The following DIP2C variants were observed in gnomAD, a reference collection of about 807,000 sequenced individuals.
DIP2C encodes the protein DIP2 acetate--CoA ligase C (putative).
Under a neutral mutation model 192.4 loss-of-function variants are expected in DIP2C, and 33 were observed. The ratio of observed to expected loss-of-function variants is 0.17; its 90% CI spans 0.13 to 0.23. The LOEUF is 0.23. DIP2C is among the 10% of genes least tolerant of loss of function. DIP2C has a pLI of 1.00. For missense variants in DIP2C, 1,537 were observed against 2,110.1 expected, an observed-to-expected ratio of 0.73 and a Z score of 5.32; for synonymous variants, 979 against 864.1, an observed-to-expected ratio of 1.13 and a Z score of -2.33.
intron 1 of DIP2C, among the ~76,000 whole-genome samples, chr10:545,035 G>T (rs1231629166): frequency 6.6e-6 from 1 of 151,988 alleles, no homozygotes; most frequent in Non-Finnish European, 1.5e-5. Context: ...GCTGAACTGT[G>T]TCCCCGCAAG....
intron 5 of DIP2C, among the ~76,000 whole-genome samples, chr10:422,371 A>C (rs1162993429): frequency 6.6e-6 from 1 of 152,068 alleles, no homozygotes; most frequent in African/African-American, 2.4e-5. Flanking sequence ...CATACAGAGT[A>C]TCTCCCTGTC....
chr10:340,965 G>C, intron 29 of DIP2C: 1 of 644,420 alleles, frequency 1.6e-6, no homozygotes. Flanking sequence ...GTCCGCAACA[G>C]ACGGCTCTCC....
intron 1 of DIP2C, among the ~76,000 whole-genome samples, chr10:634,866 G>A (rs1854742316): frequency 6.6e-6 from 1 of 152,158 alleles, no homozygotes; most frequent in Non-Finnish European, 1.5e-5. Context: ...ACAACGTAAA[G>A]CCAATTAGAT....
chr10:570,115 T>C (rs987611132), intron 1 of DIP2C, among the ~76,000 whole-genome samples: 4 of 152,160 alleles, frequency 2.6e-5, no homozygotes, highest in South Asian at 2.1e-4. Flanking sequence ...GAGATAGTCA[T>C]AGCACTGCAC....
At position 349,431 on chromosome 10, in the gene DIP2C, G is replaced by C; in HGVS notation, c.3009C>G (p.Thr1003=). The change falls in exon 25 of 37, where the codon ACC becomes ACG. Residue 1003 remains threonine, a synonymous_variant. Transcript: ENST00000280886. Reference sequence around the variant, plus strand: ...CAGCTCTCTTGTGCAGCTGCACGCAGGTCAGCGAGTTCGCTATCGCACCCT... The same window carrying C: ...CAGCTCTCTTGTGCAGCTGCACGCACGTCAGCGAGTTCGCTATCGCACCCT... ...NCRGAIANSL[T]CVQLHKRAEK... is the part of the protein sequence containing the mutation. 1 of 1,609,102 alleles carries C rather than the reference G, an allele frequency of 6.2e-7. No homozygotes were observed.
intron 5 of DIP2C, among the ~76,000 whole-genome samples, chr10:420,548 G>GA (rs1266866447): frequency 2.6e-5 from 4 of 152,194 alleles, no homozygotes; most frequent in African/African-American, 9.7e-5. Flanking sequence ...TAGCGTCTGG[G>GA]AGGCCTCCTC....
At chr10:594,806 C>T (rs1420823071) in intron 1 of DIP2C, among the ~76,000 whole-genome samples, 5 of 152,172 alleles carry the variant, frequency 3.3e-5, no homozygotes, top group Admixed American at 3.3e-4. Context: ...CTCGACTCTC[C>T]GGGTTCAGAT....
intron 14 of DIP2C, among the ~76,000 whole-genome samples, chr10:386,653 T>C (rs562190587): frequency 6.6e-6 from 1 of 152,322 alleles, no homozygotes; most frequent in African/African-American, 2.4e-5. Flanking sequence ...ATATTTGGTC[T>C]AGGAAATGCT....
chr10:360,248 T>TA (rs1959290046), intron 22 of DIP2C, among the ~76,000 whole-genome samples: 1 of 152,196 alleles, frequency 6.6e-6, no homozygotes, highest in South Asian at 2.1e-4. Context: ...AGAGGCCTTC[T>TA]AGCTGCACCT....
In DIP2C at chr10:486,537, G is replaced by A; in HGVS notation, c.86-7C>T. On this transcript the variant is annotated splice_region_variant and splice_polypyrimidine_tract_variant and intron_variant, in intron 1 of 36. Coordinates refer to ENST00000280886, the MANE Select transcript of DIP2C (RefSeq NM_014974.3). ...CCTTTTTGTGTGATGTCACCTGCAA[G>A]AGAAGGAAAATGAAGTTCAGTATGG... The A allele has an allele frequency of 1.2e-6, 2 of 1,603,372 alleles. No individual in the cohort carries two copies. Among genetic ancestry groups the A allele is most frequent in the Non-Finnish European group, 8.5e-7 (1 of 1,175,426 alleles).
At chr10:380,445 G>A (rs1441864496) in intron 17 of DIP2C, among the ~76,000 whole-genome samples, 15 of 152,098 alleles carry the variant, frequency 9.9e-5, no homozygotes, top group Non-Finnish European at 4.4e-5. Context: ...AGAAGAGGCT[G>A]TCCCTGGATG....
At chr10:397,654 C>A (rs1471810351) in intron 10 of DIP2C, among the ~76,000 whole-genome samples, 1 of 152,366 alleles carries the variant, frequency 6.6e-6, no homozygotes, top group Non-Finnish European at 1.5e-5. Context: ...CACGACTGGC[C>A]GCCTACAGGG....
intron 3 of DIP2C, among the ~76,000 whole-genome samples, chr10:469,755 A>C (rs1213350522): frequency 6.6e-6 from 1 of 152,118 alleles, no homozygotes; most frequent in Non-Finnish European, 1.5e-5. Context: ...TTCACCTAAA[A>C]TATTCTAGTG....
chr10:549,418 C>G (rs192999975), intron 1 of DIP2C, among the ~76,000 whole-genome samples: 8 of 152,230 alleles, frequency 5.3e-5, no homozygotes, highest in African/African-American at 1.9e-4. Context: ...CACACGGACT[C>G]GGGCCCATCC....
intron 32 of DIP2C, among the ~76,000 whole-genome samples, chr10:295,893 T>C (rs1326043492): frequency 6.6e-6 from 1 of 152,234 alleles, no homozygotes; most frequent in Non-Finnish European, 1.5e-5. Flanking sequence ...TTTTTTCATG[T>C]GTTTTTTGGC....
At position 288,411 on chromosome 10, in the gene DIP2C, C is replaced by T; in HGVS notation, c.3997G>A (p.Val1333Met). The T allele has an allele frequency of 6.2e-7, 1 of 1,614,088 alleles. No homozygotes were observed. The highest frequency in any genetic ancestry group is 8.5e-7 in the Non-Finnish European group (1 of 1,179,974). Residue 1333 changes from valine (V) to methionine (M), a missense_variant, in exon 33 of 37, where the codon GTG becomes ATG. Transcript: ENST00000280886. ...RALRHDRVRL[V>M]ERGSPHSLPL... is the part of the protein sequence containing the mutation. Reference sequence around the variant, plus strand: ...AGACTATGAGGGGATCCTCTTTCCACTAAGCGGACTCTGCAAACAGAAAGA... The same window carrying T: ...AGACTATGAGGGGATCCTCTTTCCATTAAGCGGACTCTGCAAACAGAAAGA...
At chr10:672,982 G>C (rs1042062024) in intron 1 of DIP2C, among the ~76,000 whole-genome samples, 1 of 152,238 alleles carries the variant, frequency 6.6e-6, no homozygotes, top group Non-Finnish European at 1.5e-5. Flanking sequence ...TCACAGATTA[G>C]ATTTTAAATG....
At position 337,049 on chromosome 10, in the gene DIP2C, G is replaced by GGTGTGTGTGTGTGTGTGTGTGTGTGTGT. The variant is rs148004134; in HGVS notation, c.3584+4149_3584+4150insACACACACACACACACACACACACACAC. On this transcript the variant is annotated intron_variant, in intron 29 of 36. Transcript: ENST00000280886. ...TGTGTGTGTTGTGGAGGCCTAGACT[G>GGTGTGTGTGTGTGTGTGTGTGTGTGTGT]GTGTGTGTGTGTGTGTGTGTGTGTT... is the stretch of plus-strand genomic sequence containing the variant. Among the ~76,000 whole-genome samples, 4 of 37,962 alleles carry GGTGTGTGTGTGTGTGTGTGTGTGTGTGT rather than the reference G, an allele frequency of 1.1e-4. 1 individual carries two copies. The highest frequency in any genetic ancestry group is 5.1e-4 in the African/African-American group (4 of 7,918). The allele number at this position is 37,962 out of a possible 152,430, so 24.9% of individuals were successfully genotyped here. A position where few individuals can be genotyped will look rare whatever the true frequency, so the allele number is the denominator to read the frequency against.
chr10:308,844 G>C (rs1003319314), intron 32 of DIP2C, among the ~76,000 whole-genome samples: 29 of 152,190 alleles, frequency 1.9e-4, no homozygotes, highest in African/African-American at 6.5e-4. Flanking sequence ...CGTCAGGGCG[G>C]GCGTGGCTCC....
Sources: gnomAD v4.1 joint callset for allele counts (sites outside exome capture counted in the v4.1 genomes callset) on GRCh38, gnomAD v4.1.1 for gene constraint, MANE v1.5 for transcripts, NCBI Gene and HGNC (gene_info 2026-07-23, HGNC 2026-07-21) for gene names.